DHX37: variants seen among roughly 807,000 people sequenced by gnomAD.
DHX37 encodes the protein DEAH-box helicase 37.
In DHX37, 52 loss-of-function variants were observed where a neutral mutation model predicts 134.3. The observed-to-expected ratio is 0.39, with a 90% CI of 0.31 to 0.49. DHX37 has a LOEUF of 0.49. Ranked by LOEUF, DHX37 falls within the 20% of genes least tolerant of loss-of-function variation. The pLI is 0.93. For missense variants in DHX37, 1,344 were observed against 1,580.8 expected, an observed-to-expected ratio of 0.85 and a Z score of 2.54; for synonymous variants, 634 against 670.7, an observed-to-expected ratio of 0.95 and a Z score of 0.85.
In DHX37 at chr12:124,984,271, G is replaced by A. The variant is rs1331222785; in HGVS notation, c.277-1648C>T. 3.3e-5 allele frequency among the ~76,000 whole-genome samples: 5 copies of A among 152,324 alleles called. No homozygotes were observed. The East Asian group carries it at 7.7e-4, about 23-fold the overall frequency. ...TTTAAGGCTGGGCGCAGTGGCTCAC[G>A]CCTATAATCCCTGCACTCGGGGAGG... On this transcript the variant is annotated intron_variant, in intron 2 of 26. Coordinates refer to ENST00000308736, the MANE Select transcript of DHX37 (RefSeq NM_032656.4).
intron 7 of DHX37, among the ~76,000 whole-genome samples, chr12:124,972,252 C>G (rs1347978913): frequency 1.3e-5 from 2 of 152,262 alleles, no homozygotes; most frequent in Non-Finnish European, 2.9e-5. Flanking sequence ...TAGGTACGGG[C>G]CACTGTGCTA....
chr12:124,968,832 T>A (rs1195972672), intron 9 of DHX37, 35 bp downstream of exon 9: 3 of 1,612,670 alleles, frequency 1.9e-6, no homozygotes, highest in Non-Finnish European at 2.5e-6. Context: ...CCTTGTGCCA[T>A]CCAAGCTCAC....
In DHX37 at chr12:124,960,297, G is replaced by A. The variant is rs768723540; in HGVS notation, c.2157+15C>T. ...ACTGGGGTGGCTGAGAGCGGGGCTGGGGGCAGCAACTGACCTTTTCAACGT... is the reference window on the plus strand; with the variant it reads ...ACTGGGGTGGCTGAGAGCGGGGCTGAGGGCAGCAACTGACCTTTTCAACGT... On this transcript the variant is annotated intron_variant, in intron 16 of 26. Transcript: ENST00000308736. The A allele has an allele frequency of 6.2e-7, 1 of 1,607,696 alleles. No homozygotes were observed. The highest frequency in any genetic ancestry group is 8.5e-7 in the Non-Finnish European group (1 of 1,175,230).
chr12:124,975,071 C>T (rs769298713), intron 6 of DHX37, among the ~76,000 whole-genome samples: 4 of 152,162 alleles, frequency 2.6e-5, no homozygotes, highest in Non-Finnish European at 4.4e-5. Context: ...CCACCACACC[C>T]GGCCAAGATT....
chr12:124,987,643 C>T (rs1243811322), intron 1 of DHX37, among the ~76,000 whole-genome samples: 1 of 152,214 alleles, frequency 6.6e-6, no homozygotes, highest in East Asian at 1.9e-4. Context: ...TTCAAAGCAA[C>T]ATATTTTCCC....
At chr12:124,953,842 C>G in intron 20 of DHX37, 38 bp downstream of exon 20, 1 of 1,601,358 alleles carries the variant, frequency 6.2e-7, no homozygotes, top group Non-Finnish European at 8.5e-7. Context: ...GGTCAGGTTG[C>G]CCGCCGGGTG....
rs183553078 is a variant in DHX37 at position 124,954,443 on chromosome 12, C to T, written c.2454-232G>A. Among the ~76,000 whole-genome samples, 585 of 152,058 alleles carry T rather than the reference C, an allele frequency of 3.8e-3. 2 individuals carry two copies. Among genetic ancestry groups the T allele is most frequent in the Non-Finnish European group, 6.6e-3 (452 of 67,982 alleles). On this transcript the variant is annotated intron_variant, in intron 18 of 26. Transcript: ENST00000308736. The stretch of plus-strand genomic sequence containing the variant: ...CAGAGTCTCGCTCTGTCGCCCAGTG[C>T]AGTGGTGTGGTGTGATCTCGGTTCA...
chr12:124,956,916 G>C, intron 17 of DHX37, 37 bp from the exon 18 acceptor site: 1 of 1,551,834 alleles, frequency 6.4e-7, no homozygotes, highest in Admixed American at 1.8e-5. Flanking sequence ...GCTCTGAGAG[G>C]AGCTCTGGAG....
intron 2 of DHX37, 86 bp downstream of exon 2, chr12:124,986,010 A>G (rs776940185): frequency 6.8e-5 from 105 of 1,540,410 alleles, no homozygotes; most frequent in Non-Finnish European, 9.1e-5. Context: ...TAGTTGCACC[A>G]CAGAGACACC....
intron 8 of DHX37, among the ~76,000 whole-genome samples, 155 bp downstream of exon 8, chr12:124,971,147 C>T (rs1235382688): frequency 1.3e-5 from 2 of 152,216 alleles, no homozygotes; most frequent in African/African-American, 4.8e-5. Context: ...GGCACTAGGC[C>T]TAGACCTAGG....
At chr12:124,983,604 G>A (rs1490231848) in intron 2 of DHX37, among the ~76,000 whole-genome samples, 2 of 151,790 alleles carry the variant, frequency 1.3e-5, no homozygotes, top group Non-Finnish European at 2.9e-5. Context: ...AACCAACATG[G>A]TGAAACCATG....
At chr12:124,955,485 T>G (rs1954074076) in intron 18 of DHX37, among the ~76,000 whole-genome samples, 1 of 152,242 alleles carries the variant, frequency 6.6e-6, no homozygotes. Context: ...CGCTTTTTGA[T>G]TTTTAGTAGA....
At chr12:124,967,942 G>C (rs553666493) in intron 10 of DHX37, among the ~76,000 whole-genome samples, 6 of 151,846 alleles carry the variant, frequency 4.0e-5, no homozygotes, top group Non-Finnish European at 5.9e-5. Context: ...GGCAGTGTGC[G>C]ACCAGTGTGG....
chr12:124,972,189 C>T (rs2135955662), intron 7 of DHX37, among the ~76,000 whole-genome samples: 1 of 152,374 alleles, frequency 6.6e-6, no homozygotes, highest in East Asian at 1.9e-4. Flanking sequence ...AAGGCGTGAA[C>T]TCTGTGAGTC....
chr12:124,964,338 C>A, intron 15 of DHX37, 56 bp downstream of exon 15: 1 of 1,602,588 alleles, frequency 6.2e-7, no homozygotes, highest in Non-Finnish European at 8.5e-7. Context: ...CCTTGTTCCT[C>A]AGTGGCTATT....
chr12:124,984,660 G>A (rs1268843047), intron 2 of DHX37, among the ~76,000 whole-genome samples: 2 of 152,024 alleles, frequency 1.3e-5, no homozygotes, highest in Non-Finnish European at 1.5e-5. Flanking sequence ...GAAACAACAG[G>A]AAATTTAACC....
chr12:124,953,282 C>T (rs545865885), intron 20 of DHX37: 81 of 153,376 alleles, frequency 5.3e-4, no homozygotes, highest in Non-Finnish European at 1.1e-3. Context: ...GGAGAAGGAT[C>T]GGCCGGAAGA....
At chr12:124,984,204 A>G (rs1216531888) in intron 2 of DHX37, among the ~76,000 whole-genome samples, 4 of 152,154 alleles carry the variant, frequency 2.6e-5, no homozygotes, top group Non-Finnish European at 5.9e-5. Flanking sequence ...ATACTAATGT[A>G]CAAAAAGCTC....
chr12:124,957,032 T>C lies in DHX37; in HGVS notation c.2261A>G (p.Glu754Gly). The change falls in exon 17 of 27, where the codon GAA becomes GGA. Residue 754 changes from glutamate to glycine, a missense_variant. This residue lies in a region of DHX37 where 558 missense variants were observed against 650.0 expected (regional missense o/e 0.86). Coordinates refer to ENST00000308736, the MANE Select transcript of DHX37 (RefSeq NM_032656.4). ...GCTCTGCATCTCTTGGCCTTACCTT[T>C]CTGCTTTCTGGGGCGGTTGCAGGGC... is the stretch of plus-strand genomic sequence containing the variant. ...LGALQPPQKA[E>G]RVKQLQENRL... The C allele has an allele frequency of 6.6e-7, 1 of 1,515,290 alleles. No homozygotes were observed. The highest frequency in any genetic ancestry group is 8.8e-7 in the Non-Finnish European group (1 of 1,135,376). The allele number at this position is 1,515,290 out of a possible 1,614,324, so 93.9% of individuals were successfully genotyped here. A position where few individuals can be genotyped will look rare whatever the true frequency, so the allele number is the denominator to read the frequency against.
Sources: gnomAD v4.1 joint callset for allele counts (sites outside exome capture counted in the v4.1 genomes callset) on GRCh38, gnomAD v4.1.1 for gene constraint, gnomAD v4.1.1 regional missense constraint, MANE v1.5 for transcripts, NCBI Gene and HGNC (gene_info 2026-07-23, HGNC 2026-07-21) for gene names.